The following GSTO2 variants were observed in gnomAD, a reference collection of about 807,000 sequenced individuals.
The protein encoded by GSTO2 is glutathione S-transferase omega-2.
In GSTO2, 23 loss-of-function variants were observed where a neutral mutation model predicts 28.4. The ratio of observed to expected loss-of-function variants is 0.81; its 90% CI spans 0.58 to 1.15. The LOEUF (loss-of-function observed/expected upper bound fraction) is 1.15. Among genes scored for constraint, GSTO2 ranks in the 50% most tolerant of loss-of-function variants. The pLI, the probability that GSTO2 is intolerant of heterozygous loss-of-function variation, is 0.00. For synonymous variants in GSTO2, 109 were observed against 111.0 expected (o/e 0.98, Z 0.11); for missense variants, 298 against 297.8 (o/e 1.00, Z 0.00).
intron 5 of GSTO2, among the ~76,000 whole-genome samples, chr10:104,282,599 G>A (rs1254321088): frequency 6.6e-6 from 1 of 151,766 alleles, no homozygotes; most frequent in Non-Finnish European, 1.5e-5. Flanking sequence ...CAGCAAGAAT[G>A]TAGAGGATGG....
rs778231023 is a variant in GSTO2 at position 104,299,203 on chromosome 10, C to T, written c.651C>T (p.Leu217=). ...GGGACCCCACAGTCTGTGCTCTTCT[C>T]ATGGATAAGAGCATTTTCCAGGGCT... The part of the protein sequence containing the change: ...MKWDPTVCAL[L]MDKSIFQGFL... Residue 217 remains leucine, a synonymous_variant, in exon 7 of 7, where the codon CTC becomes CTT. Coordinates refer to ENST00000338595, the MANE Select transcript of GSTO2 (RefSeq NM_183239.2). 8 of 1,614,212 alleles carry T rather than the reference C, an allele frequency of 5.0e-6. No individual in the cohort carries two copies. The highest frequency in any genetic ancestry group is 2.2e-5 in the East Asian group (1 of 44,878).
At chr10:104,270,099 C>T (rs1195993142) in intron 1 of GSTO2, among the ~76,000 whole-genome samples, 5 of 152,012 alleles carry the variant, frequency 3.3e-5, no homozygotes, top group Non-Finnish European at 5.9e-5. Flanking sequence ...CTGCAAGCTC[C>T]GCCTCCCGGG....
chr10:104,279,326 G>A, intron 4 of GSTO2, 44 bp from the exon 5 acceptor site: 2 of 1,529,780 alleles, frequency 1.3e-6, no homozygotes, highest in South Asian at 1.1e-5. Flanking sequence ...GGAACTGGAA[G>A]TTTCCACAGA....
Position 104,275,296 on chromosome 10 carries a change from T to G in GSTO2, c.105T>G (p.Ser35=). 6.2e-7 allele frequency: 1 copy of G among 1,613,962 alleles called. No individual in the cohort carries two copies. Among genetic ancestry groups the G allele is most frequent in the Non-Finnish European group, 8.5e-7 (1 of 1,179,962 alleles). ...RIYSMRFCPY[S]HRTRLVLKAK... is the part of the protein sequence containing the mutation. Reference sequence around the variant, plus strand: ...ACAGCATGAGGTTCTGCCCCTATTCTCACAGGACCCGCCTCGTCCTCAAGG... The same window carrying G: ...ACAGCATGAGGTTCTGCCCCTATTCGCACAGGACCCGCCTCGTCCTCAAGG... Residue 35 remains serine, a synonymous_variant, in exon 3 of 7, where the codon TCT becomes TCG. Coordinates refer to ENST00000338595, the MANE Select transcript of GSTO2 (RefSeq NM_183239.2).
At chr10:104,283,589 G>A (rs1284501781) in intron 5 of GSTO2, among the ~76,000 whole-genome samples, 1 of 152,114 alleles carries the variant, frequency 6.6e-6, no homozygotes. Context: ...TCGTGCCACT[G>A]TACTCCAGCC....
At chr10:104,288,942 T>C (rs1238586491) in intron 5 of GSTO2, among the ~76,000 whole-genome samples, 2 of 152,246 alleles carry the variant, frequency 1.3e-5, no homozygotes, top group Non-Finnish European at 2.9e-5. Flanking sequence ...CACTGTTTTA[T>C]GTGTAGGAAG....
chr10:104,292,780 C>G (rs900865157), intron 5 of GSTO2, among the ~76,000 whole-genome samples: 1 of 152,130 alleles, frequency 6.6e-6, no homozygotes, highest in African/African-American at 2.4e-5. Context: ...GATATATAAT[C>G]AGGTGGAAGA....
chr10:104,297,611 G>A lies in GSTO2; in HGVS notation c.502G>A (p.Gly168Arg). Residue 168 changes from glycine (G) to arginine (R), a missense_variant, in exon 6 of 7, where the codon GGA (glycine) becomes AGA (arginine). Gly to Arg is a moderately radical substitution (Grantham distance 125). Transcript: ENST00000338595. Reference protein sequence around the residue: ...LEYQNTTFFGGTCISMIDYLL... With the variant: ...LEYQNTTFFGRTCISMIDYLL... Reference sequence around the variant, plus strand: ...GTATCAGAACACCACCTTCTTTGGTGGAACCTGTATATCCATGATTGATTA... The same window carrying A: ...GTATCAGAACACCACCTTCTTTGGTAGAACCTGTATATCCATGATTGATTA... 6.2e-7 allele frequency: 1 copy of A among 1,613,628 alleles called. No individual in the cohort carries two copies. Among genetic ancestry groups the A allele is most frequent in the Non-Finnish European group, 8.5e-7 (1 of 1,179,682 alleles).
intron 1 of GSTO2, among the ~76,000 whole-genome samples, chr10:104,269,979 C>T (rs1456712360): frequency 1.3e-5 from 2 of 151,168 alleles, no homozygotes; most frequent in Non-Finnish European, 2.9e-5. Context: ...TTTCCAGTCT[C>T]TTTATCCAAC....
intron 5 of GSTO2, among the ~76,000 whole-genome samples, chr10:104,294,287 C>A (rs2012923283): frequency 6.6e-6 from 1 of 152,090 alleles, no homozygotes; most frequent in African/African-American, 2.4e-5. Flanking sequence ...TGAGGAGGTC[C>A]CACTTAGATG....
At chr10:104,279,277 C>G in intron 4 of GSTO2, 93 bp from the exon 5 acceptor site, 1 of 1,021,796 alleles carries the variant, frequency 9.8e-7, no homozygotes, top group Non-Finnish European at 1.5e-6. Context: ...CCCTGTTAGG[C>G]TGGAGTTATA....
chr10:104,289,796 G>T (rs1210810244), intron 5 of GSTO2, among the ~76,000 whole-genome samples: 1 of 152,052 alleles, frequency 6.6e-6, no homozygotes, highest in Non-Finnish European at 1.5e-5. Context: ...TTTCTCAAAA[G>T]AAGACACACA....
At chr10:104,294,164 G>A (rs1589874805) in intron 5 of GSTO2, among the ~76,000 whole-genome samples, 3 of 152,044 alleles carry the variant, frequency 2.0e-5, no homozygotes, top group South Asian at 2.1e-4. Flanking sequence ...TCCAACTTGC[G>A]TTTTCCCTGA....
At chr10:104,296,998 C>T (rs1466171546) in intron 5 of GSTO2, 3 of 152,326 alleles carry the variant, frequency 2.0e-5, no homozygotes, top group African/African-American at 2.4e-5. Flanking sequence ...AGGCTGGTCT[C>T]GAACTCCCCA....
chr10:104,299,243 T>A lies in GSTO2; in HGVS notation c.691T>A (p.Phe231Ile). The part of the protein sequence containing the change: ...SIFQGFLNLY[F>I]QNNPNAFDFG... Reference sequence around the variant, plus strand: ...TTTCCAGGGCTTCTTGAATCTCTATTTTCAGAACAACCCTAATGCCTTTGA... The same window carrying A: ...TTTCCAGGGCTTCTTGAATCTCTATATTCAGAACAACCCTAATGCCTTTGA... Residue 231 changes from phenylalanine (F) to isoleucine (I), a missense_variant, in exon 7 of 7, where the codon TTT becomes ATT. Coordinates refer to ENST00000338595, the MANE Select transcript of GSTO2 (RefSeq NM_183239.2). 6.2e-7 allele frequency: 1 copy of A among 1,614,160 alleles called. No homozygotes were observed. The highest frequency in any genetic ancestry group is 8.5e-7 in the Non-Finnish European group (1 of 1,180,018).
intron 4 of GSTO2, 147 bp from the exon 5 acceptor site, chr10:104,279,223 C>T: frequency 1.6e-6 from 1 of 606,726 alleles, no homozygotes. Flanking sequence ...CAGAGAAAAC[C>T]TAGTGCCTCT....
At chr10:104,284,191 C>T (rs146781620) in intron 5 of GSTO2, among the ~76,000 whole-genome samples, 72 of 152,056 alleles carry the variant, frequency 4.7e-4, no homozygotes, top group Non-Finnish European at 8.2e-4. Flanking sequence ...AAAACCTTAT[C>T]TCTACAAAAA....
chr10:104,292,920 A>G (rs1048447203), intron 5 of GSTO2, among the ~76,000 whole-genome samples: 1 of 152,244 alleles, frequency 6.6e-6, no homozygotes, highest in Non-Finnish European at 1.5e-5. Flanking sequence ...AAGACATTGG[A>G]TGTTAAGTCT....
chr10:104,297,676 G>T lies in GSTO2; in HGVS notation c.567G>T (p.Gly189=). The T allele has an allele frequency of 1.2e-6, 2 of 1,607,476 alleles. No individual in the cohort carries two copies. Among genetic ancestry groups the T allele is most frequent in the African/African-American group, 2.7e-5 (2 of 74,886 alleles). ...GGTTTGAGCGGCTGGATGTGTATGGGATACTGGAGTAAGACATTTGACATT... is the reference window on the plus strand; with the variant it reads ...GGTTTGAGCGGCTGGATGTGTATGGTATACTGGAGTAAGACATTTGACATT... ...WPWFERLDVY[G]ILDCVSHTPA... The change falls in exon 6 of 7, where the codon GGG becomes GGT. Residue 189 remains glycine, a synonymous_variant. Coordinates refer to ENST00000338595, the MANE Select transcript of GSTO2 (RefSeq NM_183239.2).
Sources: gnomAD v4.1 joint callset for allele counts (sites outside exome capture counted in the v4.1 genomes callset) on GRCh38, gnomAD v4.1.1 for gene constraint, MANE v1.5 for transcripts, NCBI Gene and HGNC (gene_info 2026-07-23, HGNC 2026-07-21) for gene names.